SLC44A5: variants seen among roughly 807,000 people sequenced by gnomAD.
The protein encoded by SLC44A5 is choline transporter-like protein 5.
SLC44A5 carries 57 observed loss-of-function variants against 101.8 expected under a neutral mutation model. The observed-to-expected ratio is 0.56, with a 90% CI of 0.45 to 0.70. SLC44A5 has a LOEUF of 0.70. SLC44A5 is among the 30% of genes least tolerant of loss of function. The pLI, the probability that SLC44A5 is intolerant of heterozygous loss-of-function variation, is 0.00. For missense variants in SLC44A5, 737 were observed against 853.1 expected (o/e 0.86, Z 1.70); for synonymous variants, 281 against 290.9 (o/e 0.97, Z 0.35).
intron 2 of SLC44A5, among the ~76,000 whole-genome samples, chr1:75,501,887 C>G (rs1668979293): frequency 1.3e-5 from 2 of 152,204 alleles, no homozygotes; most frequent in African/African-American, 2.4e-5. Context: ...AAATAATTAA[C>G]TTCCATAGTT....
chr1:75,648,105 A>G, the SLC44A5 span, among the ~76,000 whole-genome samples: 1 of 152,174 alleles, frequency 6.6e-6, no homozygotes, highest in African/African-American at 2.4e-5. Context: ...AAGGGATCAC[A>G]TGGGAAGCAA....
intron 2 of SLC44A5, among the ~76,000 whole-genome samples, chr1:75,487,843 G>A (rs1668232118): frequency 6.6e-6 from 1 of 152,190 alleles, no homozygotes; most frequent in Non-Finnish European, 1.5e-5. Context: ...TGGCCTGTTA[G>A]GAACTGAGCT....
the SLC44A5 span, among the ~76,000 whole-genome samples, chr1:75,686,225 T>C: frequency 6.6e-6 from 1 of 152,166 alleles, no homozygotes; most frequent in Non-Finnish European, 1.5e-5. Flanking sequence ...ATAATGCCTT[T>C]TGTAGCCATT....
At chr1:75,356,259 A>G (rs1659066364) in intron 3 of SLC44A5, among the ~76,000 whole-genome samples, 1 of 149,396 alleles carries the variant, frequency 6.7e-6, no homozygotes, top group African/African-American at 2.4e-5. Context: ...AGGCCTTGTT[A>G]GCATAGGAGA....
chr1:75,319,918 C>T (rs1230069500), intron 4 of SLC44A5, among the ~76,000 whole-genome samples: 1 of 152,094 alleles, frequency 6.6e-6, no homozygotes, highest in East Asian at 1.9e-4. Context: ...ATTTCATTTT[C>T]CTAAGTTTGT....
chr1:75,423,948 G>A lies in SLC44A5; in HGVS notation c.14-27327C>T, dbSNP rs567400668. Among the ~76,000 whole-genome samples the A allele has an allele frequency of 3.3e-5, 5 of 152,328 alleles. No individual in the cohort carries two copies. The East Asian group carries it at 9.6e-4, about 29-fold the overall frequency. Reference sequence around the variant, plus strand: ...CCATCAAGTGGTTAGAAAGGGTGTTGCTTTGCTGGATGCCCCTATGCCTCC... The same window carrying A: ...CCATCAAGTGGTTAGAAAGGGTGTTACTTTGCTGGATGCCCCTATGCCTCC... On this transcript the variant is annotated intron_variant, in intron 2 of 23. Transcript: ENST00000370859.
intron 2 of SLC44A5, among the ~76,000 whole-genome samples, chr1:75,511,259 G>C (rs1227830488): frequency 6.6e-6 from 1 of 152,182 alleles, no homozygotes; most frequent in African/African-American, 2.4e-5. Flanking sequence ...AGTCAGACTT[G>C]TATTCTAAAT....
chr1:75,248,091 A>AAGT (rs1570464349), intron 7 of SLC44A5, among the ~76,000 whole-genome samples: 1 of 152,210 alleles, frequency 6.6e-6, no homozygotes, highest in East Asian at 1.9e-4. Flanking sequence ...AATGACAGAT[A>AAGT]AGTAAAATGT....
At chr1:75,566,246 T>C (rs1251792762) in intron 1 of SLC44A5, among the ~76,000 whole-genome samples, 2 of 152,152 alleles carry the variant, frequency 1.3e-5, no homozygotes. Context: ...AAAATACACG[T>C]GTGGCACCAC....
the SLC44A5 span, among the ~76,000 whole-genome samples, chr1:75,703,938 C>T: frequency 2.6e-5 from 4 of 151,906 alleles, no homozygotes; most frequent in Non-Finnish European, 5.9e-5. Flanking sequence ...CTGTAGTCCC[C>T]ACATTTTGGG....
the SLC44A5 span, among the ~76,000 whole-genome samples, chr1:75,650,212 C>T: frequency 6.6e-6 from 1 of 152,150 alleles, no homozygotes; most frequent in East Asian, 1.9e-4. Context: ...AGCCCTCTTC[C>T]CAGCCTCCCA....
intron 7 of SLC44A5, among the ~76,000 whole-genome samples, chr1:75,245,413 A>G (rs1649021460): frequency 6.6e-6 from 1 of 152,146 alleles, no homozygotes; most frequent in Non-Finnish European, 1.5e-5. Flanking sequence ...TCAAAAGTTC[A>G]TTCTGATTGG....
At chr1:75,445,299 T>C (rs555813256) in intron 2 of SLC44A5, among the ~76,000 whole-genome samples, 301 of 152,040 alleles carry the variant, frequency 2.0e-3, no homozygotes, top group Non-Finnish European at 3.4e-3. Context: ...CCTGCTCCCC[T>C]TGTGTCTTCT....
intron 1 of SLC44A5, among the ~76,000 whole-genome samples, chr1:75,543,575 C>CTA (rs542827907): frequency 2.3e-3 from 292 of 129,500 alleles, no homozygotes; most frequent in African/African-American, 7.3e-3. Flanking sequence ...AGAAAAGTTC[C>CTA]TATATATATA....
At chr1:75,212,626 C>T (rs998925260) in intron 22 of SLC44A5, among the ~76,000 whole-genome samples, 8 of 152,048 alleles carry the variant, frequency 5.3e-5, no homozygotes, top group Non-Finnish European at 1.2e-4. Flanking sequence ...CTGCCACCCC[C>T]AGTACTTAGC....
chr1:75,434,707 C>G (rs77120378), intron 2 of SLC44A5, among the ~76,000 whole-genome samples: 35,594 of 151,998 alleles, frequency 0.23, 4,296 homozygotes, highest in African/African-American at 0.27. Flanking sequence ...ATCTGCCACT[C>G]CAGCCACTAT....
intron 2 of SLC44A5, among the ~76,000 whole-genome samples, chr1:75,516,336 A>G (rs1669829690): frequency 6.6e-6 from 1 of 152,104 alleles, no homozygotes; most frequent in Non-Finnish European, 1.5e-5. Context: ...AACAAGGTGA[A>G]ACCCTGTCTC....
chr1:75,527,124 G>GAC (rs1670448990), intron 2 of SLC44A5, among the ~76,000 whole-genome samples: 1 of 140,048 alleles, frequency 7.1e-6, no homozygotes, highest in Non-Finnish European at 1.5e-5. Context: ...GGCAGAGCAA[G>GAC]ACACTGTCGC....
intron 11 of SLC44A5, among the ~76,000 whole-genome samples, chr1:75,235,003 A>G (rs1016639884): frequency 1.3e-5 from 2 of 152,084 alleles, no homozygotes; most frequent in African/African-American, 4.8e-5. Context: ...AGTGTAGTAC[A>G]TTTATTAAGT....
Sources: allele counts gnomAD v4.1 joint callset (sites outside exome capture counted in the v4.1 genomes callset), GRCh38; gene constraint gnomAD v4.1.1; transcripts MANE v1.5; gene names NCBI Gene and HGNC (gene_info 2026-07-23, HGNC 2026-07-21).